Variants in EDEM2 observed in about 807,000 individuals in gnomAD.
EDEM2 encodes the protein ER degradation-enhancing alpha-mannosidase-like protein 2.
In EDEM2, 39 loss-of-function variants were observed where a neutral mutation model predicts 64.8. The ratio of observed to expected loss-of-function variants is 0.60; its 90% CI spans 0.47 to 0.79. The LOEUF (loss-of-function observed/expected upper bound fraction) is 0.79, where lower values mean the gene tolerates loss of function less well. EDEM2 is among the 30% of genes least tolerant of loss of function. The pLI is 0.00. For missense variants in EDEM2, 609 were observed against 731.3 expected (o/e 0.83, Z 1.93); for synonymous variants, 296 against 291.5 (o/e 1.02, Z -0.16).
In EDEM2 at chr20:35,134,868, C is replaced by T. The variant is rs747343707; in HGVS notation, c.572G>A (p.Cys191Tyr). 1 of 1,614,212 alleles carries T rather than the reference C, an allele frequency of 6.2e-7. No individual in the cohort carries two copies. The highest frequency in any genetic ancestry group is 1.7e-5 in the Admixed American group (1 of 60,024). The change falls in exon 6 of 11, where the codon TGT becomes TAT. Residue 191 changes from cysteine to tyrosine, a missense_variant. Physicochemically the swap from Cys to Tyr is radical, Grantham distance 194. Coordinates refer to ENST00000374492, the MANE Select transcript of EDEM2 (RefSeq NM_018217.3). Reference protein sequence around the residue: ...GVNPGETPVTCTAGIGTFIVE... With the variant: ...GVNPGETPVTYTAGIGTFIVE... ...AATGAAGGTCCCAATCCCTGCCGTA[C>T]AGGTGACAGGGGTCTCTCCTGGGTT...
intron 9 of EDEM2, among the ~76,000 whole-genome samples, chr20:35,120,126 C>T (rs754404324): frequency 2.1e-4 from 32 of 152,036 alleles, no homozygotes; most frequent in Non-Finnish European, 3.4e-4. Context: ...TGCCATGGTG[C>T]GATCTCCGCT....
rs574242841 is a variant in EDEM2, at chr20:35,118,374, A to C, written c.1236+224T>G. The C allele has an allele frequency of 5.6e-4, 320 of 568,070 alleles. 1 individual carries two copies. The highest frequency in any genetic ancestry group is 1.8e-3 in the Admixed American group (62 of 34,260). The allele number at this position is 568,070 out of a possible 1,614,324, so 35.2% of individuals were successfully genotyped here. Reference sequence around the variant, plus strand: ...GCCAAGGGCCGGGGTCAAGATCCCAAGGAACTAATTCTAGCTCTACCTCTA... The same window carrying C: ...GCCAAGGGCCGGGGTCAAGATCCCACGGAACTAATTCTAGCTCTACCTCTA... On this transcript the variant is annotated intron_variant, in intron 10 of 10. Transcript: ENST00000374492.
intron 7 of EDEM2, among the ~76,000 whole-genome samples, chr20:35,130,499 A>G (rs1316241522): frequency 6.6e-6 from 1 of 152,216 alleles, no homozygotes; most frequent in African/African-American, 2.4e-5. Context: ...GAGACAGGAA[A>G]AAAAGAAATT....
chr20:35,146,264 T>G (rs540344090), intron 2 of EDEM2, among the ~76,000 whole-genome samples: 4 of 152,222 alleles, frequency 2.6e-5, no homozygotes, highest in African/African-American at 9.6e-5. Context: ...CCATCACAAG[T>G]TTTGAGTTTA....
At chr20:35,134,368 C>T (rs1443079192) in intron 6 of EDEM2, among the ~76,000 whole-genome samples, 2 of 152,110 alleles carry the variant, frequency 1.3e-5, no homozygotes, top group African/African-American at 2.4e-5. Flanking sequence ...CTCTCAGAAC[C>T]GGTGTCCTAA....
At chr20:35,143,833 C>T (rs900367503) in intron 3 of EDEM2, among the ~76,000 whole-genome samples, 3 of 152,138 alleles carry the variant, frequency 2.0e-5, no homozygotes, top group Non-Finnish European at 4.4e-5. Flanking sequence ...GTTGGCCTCC[C>T]AAAGTGCTGG....
At chr20:35,126,435 C>G in intron 7 of EDEM2, 60 bp from the exon 8 acceptor site, 2 of 1,596,116 alleles carry the variant, frequency 1.3e-6, no homozygotes, top group Non-Finnish European at 1.7e-6. Context: ...AAAGGCAGGC[C>G]TGGACAGCGG....
At chr20:35,144,287 C>A (rs2146117245) in intron 3 of EDEM2, among the ~76,000 whole-genome samples, 1 of 152,242 alleles carries the variant, frequency 6.6e-6, no homozygotes, top group East Asian at 1.9e-4. Flanking sequence ...TAATACATGT[C>A]TGTACTAAGC....
In EDEM2 at chr20:35,134,719, AG is replaced by A; in HGVS notation, c.702+18del. On this transcript the variant is annotated intron_variant, in intron 6 of 10. Transcript: ENST00000374492. The stretch of plus-strand genomic sequence containing the variant: ...CTCGTAAGCAGGGACTCAAACAGGA[AG>A]GGCAGCAGCGAACCTACCAGCCCGA... 1 of 1,611,708 alleles carries A rather than the reference AG, an allele frequency of 6.2e-7. No homozygotes were observed. The highest frequency in any genetic ancestry group is 8.5e-7 in the Non-Finnish European group (1 of 1,179,416).
At chr20:35,125,958 C>G (rs1371831106) in intron 8 of EDEM2, among the ~76,000 whole-genome samples, 2 of 152,104 alleles carry the variant, frequency 1.3e-5, no homozygotes, top group South Asian at 2.1e-4. Flanking sequence ...GACAGAAACG[C>G]CCAGTGGAGA....
At chr20:35,147,078 G>C in intron 1 of EDEM2, 74 bp downstream of exon 1, 1 of 1,553,932 alleles carries the variant, frequency 6.4e-7, no homozygotes, top group Admixed American at 1.8e-5. Flanking sequence ...TCGGGGTCTG[G>C]GATGGACGGA....
intron 5 of EDEM2, among the ~76,000 whole-genome samples, chr20:35,135,400 C>T (rs553550481): frequency 4.1e-4 from 63 of 152,320 alleles, no homozygotes; most frequent in Non-Finnish European, 7.8e-4. Context: ...CCTATAATCC[C>T]AGCACTCTGG....
chr20:35,124,308 G>A (rs2085404207), intron 8 of EDEM2, among the ~76,000 whole-genome samples: 1 of 152,190 alleles, frequency 6.6e-6, no homozygotes, highest in African/African-American at 2.4e-5. Flanking sequence ...TCAGCTAACA[G>A]TTTTGGAATT....
At chr20:35,118,872 A>G (rs2085338319) in intron 9 of EDEM2, among the ~76,000 whole-genome samples, 153 bp from the exon 10 acceptor site, 1 of 152,258 alleles carries the variant, frequency 6.6e-6, no homozygotes, top group Non-Finnish European at 1.5e-5. Context: ...GCTGAGTTTC[A>G]GAGCCAGTAT....
At chr20:35,135,032 A>G in intron 5 of EDEM2, 83 bp from the exon 6 acceptor site, 1 of 1,335,296 alleles carries the variant, frequency 7.5e-7, no homozygotes, top group Non-Finnish European at 1.1e-6. Flanking sequence ...CTGGGACCTT[A>G]GCCAGCACTT....
At chr20:35,126,140 C>CA in intron 8 of EDEM2, 111 bp downstream of exon 8, 3 of 1,423,422 alleles carry the variant, frequency 2.1e-6, no homozygotes, top group Non-Finnish European at 1.9e-6. Flanking sequence ...CCTGTCCCTC[C>CA]AAAAAAAGTA....
chr20:35,147,263 C>A lies in EDEM2; in HGVS notation c.-5G>T. 2 of 1,539,820 alleles carry A rather than the reference C, an allele frequency of 1.3e-6. No individual in the cohort carries two copies. The highest frequency in any genetic ancestry group is 1.8e-6 in the Non-Finnish European group (2 of 1,140,108). On this transcript the variant is annotated 5_prime_UTR_variant, in exon 1 of 11. Coordinates refer to ENST00000374492, the MANE Select transcript of EDEM2 (RefSeq NM_018217.3). ...GATGAGCAGCCGGAAAGGCATAGAG[C>A]TCGTGTCCTCTCAGCGCCCCCGCAG...
At chr20:35,132,822 G>C (rs768940600) in intron 6 of EDEM2, among the ~76,000 whole-genome samples, 15 of 152,250 alleles carry the variant, frequency 9.9e-5, no homozygotes, top group Non-Finnish European at 1.5e-4. Context: ...ACAGGCGTGA[G>C]CCACTGCGCC....
intron 7 of EDEM2, among the ~76,000 whole-genome samples, chr20:35,128,571 A>G (rs1305335624): frequency 2.7e-5 from 4 of 149,604 alleles, no homozygotes; most frequent in African/African-American, 1.0e-4. Context: ...TGTCTAAAAA[A>G]AAAAAAAAAA....
Sources: allele counts gnomAD v4.1 joint callset (sites outside exome capture counted in the v4.1 genomes callset), GRCh38; gene constraint gnomAD v4.1.1; transcripts MANE v1.5; gene names NCBI Gene and HGNC (gene_info 2026-07-23, HGNC 2026-07-21).